The following GPHN variants were observed in gnomAD, a reference collection of about 807,000 sequenced individuals.
The protein encoded by GPHN is gephyrin.
GPHN carries 17 observed loss-of-function variants against 95.5 expected under a neutral mutation model. That is an observed-to-expected ratio of 0.18 (90% CI 0.12 to 0.27). The LOEUF is 0.27. Ranked by LOEUF, GPHN falls within the 10% of genes least tolerant of loss-of-function variation. The pLI, the probability that GPHN is intolerant of heterozygous loss-of-function variation, is 1.00. For missense variants in GPHN, 660 were observed against 978.1 expected, an observed-to-expected ratio of 0.67 and a Z score of 4.34; for synonymous variants, 320 against 322.5, an observed-to-expected ratio of 0.99 and a Z score of 0.08.
the GPHN span, among the ~76,000 whole-genome samples, chr14:67,702,273 C>A: frequency 6.6e-6 from 1 of 152,070 alleles, no homozygotes; most frequent in African/African-American, 2.4e-5. Context: ...CTGGCCTGTG[C>A]TCAGTTTTTT....
At chr14:67,434,483 G>T in the GPHN span, among the ~76,000 whole-genome samples, 1 of 152,156 alleles carries the variant, frequency 6.6e-6, no homozygotes, top group Non-Finnish European at 1.5e-5. Flanking sequence ...CTTAAAATGG[G>T]GCTGAAGGAC....
chr14:66,594,620 A>G (rs568253402), intron 1 of GPHN, among the ~76,000 whole-genome samples: 14 of 151,238 alleles, frequency 9.3e-5, no homozygotes, highest in African/African-American at 2.0e-4. Context: ...TCACTTGCAG[A>G]AGAATAATAT....
the GPHN span, among the ~76,000 whole-genome samples, chr14:67,731,101 T>G: frequency 6.6e-6 from 1 of 152,100 alleles, no homozygotes; most frequent in Non-Finnish European, 1.5e-5. Flanking sequence ...TAAATGTTAC[T>G]AAATAAATTT....
chr14:67,733,868 T>C, the GPHN span: 1 of 1,559,176 alleles, frequency 6.4e-7, no homozygotes. Flanking sequence ...GAGCTGCAGC[T>C]TTATCAGGCC....
At chr14:67,157,242 TA>T (rs1173300091) in intron 18 of GPHN, among the ~76,000 whole-genome samples, 1 of 152,082 alleles carries the variant, frequency 6.6e-6, no homozygotes. Flanking sequence ...AAAATTAAGG[TA>T]AAAAGGATTA....
At chr14:66,567,034 G>A (rs1030060243) in intron 1 of GPHN, among the ~76,000 whole-genome samples, 7 of 152,190 alleles carry the variant, frequency 4.6e-5, no homozygotes, top group Non-Finnish European at 1.0e-4. Flanking sequence ...CAGGTAGGCA[G>A]GGCGTATCAG....
intron 1 of GPHN, among the ~76,000 whole-genome samples, chr14:66,584,327 C>G (rs2061332405): frequency 6.6e-6 from 1 of 152,172 alleles, no homozygotes; most frequent in Non-Finnish European, 1.5e-5. Context: ...ATCTTGTCAT[C>G]TGCAAACAGG....
chr14:67,401,992 A>C, the GPHN span, among the ~76,000 whole-genome samples: 1 of 152,026 alleles, frequency 6.6e-6, no homozygotes, highest in Non-Finnish European at 1.5e-5. Flanking sequence ...TTAGCTGGGC[A>C]TGGTGGCACA....
chr14:67,057,416 G>GGC (rs1555477502), intron 10 of GPHN, among the ~76,000 whole-genome samples: 2 of 151,176 alleles, frequency 1.3e-5, no homozygotes, highest in South Asian at 2.1e-4. Flanking sequence ...ATGGGTGGGG[G>GGC]GGGCAACAGC....
chr14:67,124,360 T>G (rs2079180286), intron 17 of GPHN, among the ~76,000 whole-genome samples: 2 of 152,036 alleles, frequency 1.3e-5, no homozygotes, highest in Admixed American at 1.3e-4. Context: ...GAGCTGAGAC[T>G]GCACCATTGC....
At chr14:67,049,207 TAA>T (rs1403878452) in intron 10 of GPHN, among the ~76,000 whole-genome samples, 1 of 148,604 alleles carries the variant, frequency 6.7e-6, no homozygotes, top group African/African-American at 2.4e-5. Flanking sequence ...TCCTGCTGAT[TAA>T]GTTTGTTGTT....
the GPHN span, chr14:67,353,147 A>G: frequency 2.0e-5 from 16 of 796,550 alleles, no homozygotes; most frequent in South Asian, 3.1e-4. Flanking sequence ...GATGTGATGA[A>G]AGTGAGACTA....
chr14:66,796,508 C>T (rs2060163478), intron 3 of GPHN, among the ~76,000 whole-genome samples: 1 of 152,048 alleles, frequency 6.6e-6, no homozygotes. Context: ...CACATTCTCA[C>T]CAGCATTTCT....
the GPHN span, among the ~76,000 whole-genome samples, chr14:67,454,938 C>A: frequency 6.6e-6 from 1 of 152,040 alleles, no homozygotes; most frequent in East Asian, 1.9e-4. Context: ...CAACCTCTGC[C>A]TCCTGGGTTT....
At chr14:66,747,247 T>G (rs1420319097) in intron 2 of GPHN, among the ~76,000 whole-genome samples, 3 of 152,186 alleles carry the variant, frequency 2.0e-5, no homozygotes, top group Non-Finnish European at 4.4e-5. Flanking sequence ...TATTTCATCT[T>G]ACTGGAATCA....
intron 2 of GPHN, among the ~76,000 whole-genome samples, chr14:66,721,493 A>G (rs1045170168): frequency 1.1e-4 from 16 of 152,202 alleles, no homozygotes; most frequent in Non-Finnish European, 2.2e-4. Flanking sequence ...TAAAGAAGAT[A>G]TAGCATCAGT....
intron 21 of GPHN, among the ~76,000 whole-genome samples, chr14:67,179,367 C>CAA (rs1211836648): frequency 3.3e-5 from 5 of 152,148 alleles, no homozygotes; most frequent in Non-Finnish European, 7.3e-5. Flanking sequence ...GCCTGGGTAA[C>CAA]AGAGTGAGAC....
chr14:66,982,356 G>C (rs553696702), intron 9 of GPHN, among the ~76,000 whole-genome samples: 1 of 151,640 alleles, frequency 6.6e-6, no homozygotes. Flanking sequence ...CCAAATTCTT[G>C]GAAAAAAAAG....
chr14:67,473,234 CCCCA>C, the GPHN span: 1 of 745,708 alleles, frequency 1.3e-6, no homozygotes, highest in Non-Finnish European at 2.1e-6. The surrounding 1 kb of genome is among the most constrained non-coding windows in gnomAD (Gnocchi z 6.5). Flanking sequence ...ACACCCCATC[CCCCA>C]ACACCTGACC....
Sources: allele counts gnomAD v4.1 joint callset (sites outside exome capture counted in the v4.1 genomes callset), GRCh38; gene constraint gnomAD v4.1.1; non-coding constraint Gnocchi (gnomAD v3.1); transcripts MANE v1.5; gene names NCBI Gene and HGNC (gene_info 2026-07-23, HGNC 2026-07-21).